SRGAP2: variants seen among roughly 807,000 people sequenced by gnomAD.
SRGAP2 encodes SLIT-ROBO Rho GTPase activating protein 2, also known as SLIT-ROBO Rho GTPase-activating protein 2.
A neutral mutation model predicts 57.2 loss-of-function variants in SRGAP2; 15 were observed. The observed-to-expected ratio is 0.26, with a 90% CI of 0.18 to 0.40. SRGAP2 has a LOEUF of 0.40. SRGAP2 is among the 10% of genes least tolerant of loss of function. SRGAP2 has a pLI of 1.00. For missense variants in SRGAP2, 520 were observed against 669.6 expected (o/e 0.78, Z 2.47); for synonymous variants, 249 against 248.0 (o/e 1.00, Z -0.04).
intron 11 of SRGAP2, among the ~76,000 whole-genome samples, chr1:206,417,826 G>A (rs1011711206): frequency 3.3e-5 from 5 of 151,736 alleles, no homozygotes; most frequent in East Asian, 1.9e-4. Context: ...ACAAGTTTGG[G>A]CATTGAGGGC....
intron 3 of SRGAP2, among the ~76,000 whole-genome samples, chr1:206,303,677 ATGCT>A (rs1672003846): frequency 6.6e-6 from 1 of 152,194 alleles, no homozygotes; most frequent in Non-Finnish European, 1.5e-5. Context: ...ATGATGAACC[ATGCT>A]AATAATAACA....
At chr1:206,421,341 G>C (rs2103248311) in intron 13 of SRGAP2, 67 bp downstream of exon 13, 1 of 724,178 alleles carries the variant, frequency 1.4e-6, no homozygotes, top group Non-Finnish European at 2.6e-6. Context: ...GGCATTTATT[G>C]AGCGCCACTG....
At position 206,453,388 on chromosome 1, in the gene SRGAP2, G is replaced by A; in HGVS notation, c.2360+8G>A. 1.5e-6 allele frequency: 1 copy of A among 653,068 alleles called. No homozygotes were observed. Among genetic ancestry groups the A allele is most frequent in the Non-Finnish European group, 2.9e-6 (1 of 348,568 alleles). 40.5% of individuals were successfully genotyped at this position (653,068 alleles called of 1,614,324 possible). A position where few individuals can be genotyped will look rare whatever the true frequency, so the allele number is the denominator to read the frequency against. The stretch of plus-strand genomic sequence containing the variant: ...CATCGTGGTCCAAGACACGTACGTT[G>A]GGCCCATGGCATCTTTGGGGGTGGT... On this transcript the variant is annotated splice_region_variant and intron_variant, in intron 20 of 22. Transcript: ENST00000573034.
chr1:206,412,420 A>G (rs1659299649), intron 10 of SRGAP2, among the ~76,000 whole-genome samples: 1 of 152,210 alleles, frequency 6.6e-6, no homozygotes. Context: ...TGTTTTAGGA[A>G]CTTGATTTTA....
At chr1:206,318,885 A>G (rs797034343) in intron 3 of SRGAP2, among the ~76,000 whole-genome samples, 7 of 151,764 alleles carry the variant, frequency 4.6e-5, no homozygotes, top group African/African-American at 1.5e-4. Flanking sequence ...CACCTCCAAC[A>G]TTTGGAATCA....
At chr1:206,440,423 C>G (rs1275549641) in intron 17 of SRGAP2, among the ~76,000 whole-genome samples, 1 of 152,098 alleles carries the variant, frequency 6.6e-6, no homozygotes, top group Non-Finnish European at 1.5e-5. Flanking sequence ...CAGCAGAGGC[C>G]TGCCTGAGAA....
intron 2 of SRGAP2, among the ~76,000 whole-genome samples, chr1:206,256,573 G>C (rs1669197590): frequency 6.7e-6 from 1 of 149,314 alleles, no homozygotes; most frequent in African/African-American, 2.5e-5. Flanking sequence ...TGGAATCCAT[G>C]GAGAATCCCT....
At chr1:206,416,942 G>T (rs1164059804) in intron 11 of SRGAP2, among the ~76,000 whole-genome samples, 1 of 152,174 alleles carries the variant, frequency 6.6e-6, no homozygotes, top group Non-Finnish European at 1.5e-5. Flanking sequence ...CAAAGTTTAG[G>T]AAAGTGTGCA....
intron 2 of SRGAP2, among the ~76,000 whole-genome samples, chr1:206,286,280 G>A (rs1408091324): frequency 7.8e-4 from 118 of 151,712 alleles, no homozygotes; most frequent in Admixed American, 2.1e-3. Context: ...TATAGCAGAG[G>A]TGACTAGATA....
intron 2 of SRGAP2, among the ~76,000 whole-genome samples, chr1:206,257,774 A>G (rs1669288462): frequency 7.7e-6 from 1 of 129,280 alleles, no homozygotes; most frequent in Non-Finnish European, 1.6e-5. Flanking sequence ...TATACATGCA[A>G]CAAATGATAT....
intron 4 of SRGAP2, among the ~76,000 whole-genome samples, chr1:206,363,862 A>C (rs1474624103): frequency 2.0e-5 from 3 of 152,380 alleles, no homozygotes; most frequent in Admixed American, 2.0e-4. Flanking sequence ...TTACTCGGTG[A>C]GGATGGGTGT....
At chr1:206,334,868 T>G (rs200063355) in intron 3 of SRGAP2, among the ~76,000 whole-genome samples, 2 of 149,588 alleles carry the variant, frequency 1.3e-5, no homozygotes, top group East Asian at 3.9e-4. Flanking sequence ...TTTCTCTGTA[T>G]GTTTGTCAAG....
At chr1:206,332,429 C>G (rs1674430419) in intron 3 of SRGAP2, among the ~76,000 whole-genome samples, 1 of 150,720 alleles carries the variant, frequency 6.6e-6, no homozygotes, top group East Asian at 1.9e-4. Context: ...CATTCTCCGC[C>G]TCACTTTCAG....
chr1:206,459,633 A>T (rs971175869), intron 22 of SRGAP2, among the ~76,000 whole-genome samples: 2 of 152,188 alleles, frequency 1.3e-5, no homozygotes, highest in East Asian at 3.8e-4. Flanking sequence ...CACTCCAAGC[A>T]GTTCACTCAG....
intron 4 of SRGAP2, among the ~76,000 whole-genome samples, chr1:206,363,808 A>G (rs1286340390): frequency 2.6e-5 from 4 of 152,248 alleles, no homozygotes; most frequent in African/African-American, 9.6e-5. Flanking sequence ...ATCAGGAGGC[A>G]CTTGCCGTTG....
chr1:206,350,978 T>A (rs1287871554), intron 4 of SRGAP2, among the ~76,000 whole-genome samples: 2 of 151,434 alleles, frequency 1.3e-5, no homozygotes, highest in Admixed American at 6.6e-5. Context: ...CAGTCAGATT[T>A]CTTTTGGCAC....
At chr1:206,444,905 TC>T (rs1339796799) in intron 17 of SRGAP2, among the ~76,000 whole-genome samples, 1 of 152,140 alleles carries the variant, frequency 6.6e-6, no homozygotes, top group African/African-American at 2.4e-5. Context: ...ATACCACTCT[TC>T]AAGTCCTGCA....
intron 13 of SRGAP2, among the ~76,000 whole-genome samples, chr1:206,428,420 CAAAAAAA>C (rs71152470): frequency 3.3e-5 from 2 of 60,120 alleles, no homozygotes; most frequent in African/African-American, 5.1e-5. Context: ...GACTCTGTCT[CAAAAAAA>C]AAAAAAAAAA....
intron 3 of SRGAP2, among the ~76,000 whole-genome samples, chr1:206,318,912 T>G (rs1204110442): frequency 4.0e-5 from 6 of 151,456 alleles, no homozygotes; most frequent in Admixed American, 3.3e-4. Flanking sequence ...AACATGAGAT[T>G]TGGGGGGGGA....
Sources: gnomAD v4.1 joint callset for allele counts (sites outside exome capture counted in the v4.1 genomes callset) on GRCh38, gnomAD v4.1.1 for gene constraint, MANE v1.5 for transcripts, NCBI Gene and HGNC (gene_info 2026-07-23, HGNC 2026-07-21) for gene names.